PHF14: variants seen among roughly 807,000 people sequenced by gnomAD.
PHF14 encodes PHD finger protein 14.
In PHF14, 55 loss-of-function variants were observed where a neutral mutation model predicts 117.9. The observed-to-expected ratio is 0.47, with a 90% confidence interval of 0.38 to 0.58. The LOEUF (loss-of-function observed/expected upper bound fraction) is 0.58. PHF14 is among the 20% of genes least tolerant of loss of function. The probability of loss-of-function intolerance (pLI) is 0.00; values close to 1 mark genes in which losing one functional copy is unlikely to be tolerated. For missense variants in PHF14, 978 were observed against 1,122.2 expected (o/e 0.87, Z 1.84); for synonymous variants, 409 against 368.6 (o/e 1.11, Z -1.26).
At chr7:11,063,790 C>T in intron 16 of PHF14, 1 of 578,566 alleles carries the variant, frequency 1.7e-6, no homozygotes, top group Non-Finnish European at 2.2e-6. Context: ...AAAGTGCCAT[C>T]TTCTAATTTT....
chr7:11,029,912 AT>A (rs1385133955), intron 7 of PHF14, among the ~76,000 whole-genome samples: 2 of 151,942 alleles, frequency 1.3e-5, no homozygotes. Context: ...ATCTTAGTAC[AT>A]TTATTTCATT....
intron 6 of PHF14, among the ~76,000 whole-genome samples, chr7:11,026,828 C>T (rs1303850513): frequency 6.6e-6 from 1 of 151,172 alleles, no homozygotes; most frequent in East Asian, 1.9e-4. Flanking sequence ...CTAATTTCCT[C>T]TTGCTTATTT....
At chr7:11,104,564 T>C in intron 16 of PHF14, 2 of 982,958 alleles carry the variant, frequency 2.0e-6, no homozygotes, top group Non-Finnish European at 2.4e-6. Flanking sequence ...TAGTTGTTTA[T>C]CACACAGTAG....
intron 9 of PHF14, 102 bp downstream of exon 9, chr7:11,036,790 C>A: frequency 9.3e-7 from 1 of 1,080,612 alleles, no homozygotes; most frequent in Non-Finnish European, 1.3e-6. Context: ...AGCCATGCTG[C>A]ATATATCATA....
chr7:11,006,030 G>A (rs960051981), intron 4 of PHF14, among the ~76,000 whole-genome samples: 1 of 151,998 alleles, frequency 6.6e-6, no homozygotes, highest in African/African-American at 2.4e-5. Flanking sequence ...CAGACCTCAT[G>A]ATCTGCCCAC....
In PHF14 at chr7:11,013,779, A is replaced by G. The variant is rs1177144748; in HGVS notation, c.1078A>G (p.Ile360Val). The change falls in exon 5 of 18, where the codon ATT (isoleucine) becomes GTT (valine). Residue 360 changes from isoleucine to valine, a missense_variant. By Grantham distance (29) the Ile-to-Val change is conservative (BLOSUM62 3). Transcript: ENST00000634607. ...TGGAGTTGATGGAGAGAGTGACTCT[A>G]TTATGAGTTCAGCTTCTGAAAACTC... ...CYGVDGESDSIMSSASENSTE... is the reference protein window; with the variant it reads ...CYGVDGESDSVMSSASENSTE... 3 of 1,601,668 alleles carry G rather than the reference A, an allele frequency of 1.9e-6. No homozygotes were observed. Among genetic ancestry groups the G allele is most frequent in the Non-Finnish European group, 2.6e-6 (3 of 1,171,472 alleles).
chr7:10,986,065 C>G (rs1190229352), intron 3 of PHF14, among the ~76,000 whole-genome samples: 1 of 151,936 alleles, frequency 6.6e-6, no homozygotes, highest in African/African-American at 2.4e-5. Context: ...ATCTCCCAGG[C>G]TCAGGCAATT....
Position 11,036,853 on chromosome 7 carries a change from C to G in PHF14, c.1874-132C>G, listed in dbSNP as rs1784336779. On this transcript the variant is annotated intron_variant, in intron 9 of 17. Transcript: ENST00000634607. The stretch of plus-strand genomic sequence containing the variant: ...GTGGGTTTTTACAAAATGCTAGGTT[C>G]ATTTATTTGTAAATATACTTAAAAG... 6 of 924,692 alleles carry G rather than the reference C, an allele frequency of 6.5e-6. No individual in the cohort carries two copies. In the South Asian group the frequency reaches 1.0e-4, roughly 16 times the overall value. The allele number at this position is 924,692 out of a possible 1,614,324, so 57.3% of individuals were successfully genotyped here.
At chr7:11,011,553 CA>C (rs1300620742) in intron 4 of PHF14, among the ~76,000 whole-genome samples, 1 of 152,128 alleles carries the variant, frequency 6.6e-6, no homozygotes, top group Non-Finnish European at 1.5e-5. Flanking sequence ...TAAACCTGGT[CA>C]AAAGGATGTT....
intron 4 of PHF14, among the ~76,000 whole-genome samples, chr7:10,997,874 A>T (rs1782716505): frequency 6.6e-6 from 1 of 152,212 alleles, no homozygotes; most frequent in Admixed American, 6.5e-5. Flanking sequence ...TAGTGCATAC[A>T]ACCATTTCTG....
chr7:11,158,011 A>G (rs923398126), intron 17 of PHF14, among the ~76,000 whole-genome samples: 1 of 152,174 alleles, frequency 6.6e-6, no homozygotes, highest in South Asian at 2.1e-4. Flanking sequence ...GTGTTCTGAT[A>G]TACCCTTTAC....
intron 16 of PHF14, chr7:11,103,393 T>G (rs1433357410): frequency 1.7e-5 from 17 of 978,246 alleles, no homozygotes; most frequent in South Asian, 4.7e-5. Context: ...GTACAAAGAT[T>G]ATTGACTATA....
At chr7:11,028,268 A>G (rs77165189) in intron 6 of PHF14, among the ~76,000 whole-genome samples, 2,133 of 152,248 alleles carry the variant, frequency 0.014, 52 homozygotes, top group East Asian at 0.1. Flanking sequence ...GGAAAACAGA[A>G]TGGTCGTATG....
At chr7:10,982,103 T>C (rs1782062751) in intron 2 of PHF14, among the ~76,000 whole-genome samples, 1 of 152,176 alleles carries the variant, frequency 6.6e-6, no homozygotes, top group Admixed American at 6.5e-5. Flanking sequence ...TGACACAAAT[T>C]AGTGCTTCTC....
chr7:11,110,651 G>C, intron 16 of PHF14: 1 of 319,514 alleles, frequency 3.1e-6, no homozygotes, highest in Non-Finnish European at 4.3e-6. Flanking sequence ...AAAACCAAAC[G>C]GTCTGAAGAA....
At chr7:11,058,655 G>T (rs1490586380) in intron 14 of PHF14, among the ~76,000 whole-genome samples, 1 of 152,162 alleles carries the variant, frequency 6.6e-6, no homozygotes, top group Admixed American at 6.5e-5. Flanking sequence ...AACTTCATTT[G>T]AAATGTAAGA....
At chr7:11,154,930 TG>T (rs1474934308) in intron 17 of PHF14, among the ~76,000 whole-genome samples, 1 of 152,120 alleles carries the variant, frequency 6.6e-6, no homozygotes, top group Non-Finnish European at 1.5e-5. Context: ...TAGGTAGAAT[TG>T]GCTTCTATTT....
In PHF14 at chr7:11,130,331, A is replaced by C. The variant is rs7802913; in HGVS notation, c.2772+18864A>C. On this transcript the variant is annotated intron_variant, in intron 17 of 17. Transcript: ENST00000634607. The surrounding 1 kb of genome is among the most constrained non-coding windows in gnomAD (Gnocchi z 4.2). ...ACCATACTTCCAAGACCTTTCTGGG[A>C]TTCATTCCAGGATTCAAGGAAATCC... Among the ~76,000 whole-genome samples the C allele has an allele frequency of 0.014, 2,170 of 152,148 alleles. 46 individuals are homozygous for C. Among genetic ancestry groups the C allele is most frequent in the African/African-American group, 0.05 (2,065 of 41,542 alleles).
chr7:11,125,695 T>C (rs1022077380), intron 17 of PHF14, among the ~76,000 whole-genome samples: 3 of 152,082 alleles, frequency 2.0e-5, no homozygotes, highest in African/African-American at 7.2e-5. Context: ...TTTCAGACTT[T>C]TACAAGTTGT....
Sources: allele counts gnomAD v4.1 joint callset (sites outside exome capture counted in the v4.1 genomes callset), GRCh38; gene constraint gnomAD v4.1.1; non-coding constraint Gnocchi (gnomAD v3.1); transcripts MANE v1.5; gene names NCBI Gene and HGNC (gene_info 2026-07-23, HGNC 2026-07-21).